Variants in ATP11B observed in about 807,000 individuals in gnomAD.
The protein encoded by ATP11B is ATPase phospholipid transporting 11B (putative).
In ATP11B, 81 loss-of-function variants were observed where a neutral mutation model predicts 157.8. That is an observed-to-expected ratio of 0.51 (90% confidence interval 0.43 to 0.62). The LOEUF (loss-of-function observed/expected upper bound fraction) is 0.62. Ranked by LOEUF, ATP11B falls within the 20% of genes least tolerant of loss-of-function variation. The pLI is 0.00. For synonymous variants in ATP11B, 451 were observed against 469.4 expected, an observed-to-expected ratio of 0.96 and a Z score of 0.51; for missense variants, 1,165 against 1,402.2, an observed-to-expected ratio of 0.83 and a Z score of 2.70.
chr3:182,820,519 G>C (rs1293897912), intron 2 of ATP11B, 143 bp downstream of exon 2: 1 of 602,230 alleles, frequency 1.7e-6, no homozygotes, highest in Non-Finnish European at 2.9e-6. Flanking sequence ...CCTTGTCTCT[G>C]CAAAAAATCA....
At chr3:182,855,521 A>G (rs550684978) in intron 10 of ATP11B, among the ~76,000 whole-genome samples, 6 of 152,336 alleles carry the variant, frequency 3.9e-5, no homozygotes, top group Non-Finnish European at 7.4e-5. Flanking sequence ...AAAAAAATTA[A>G]TAAGTTGTAG....
At chr3:182,908,009 T>G (rs1296092564) in intron 28 of ATP11B, among the ~76,000 whole-genome samples, 1 of 152,048 alleles carries the variant, frequency 6.6e-6, no homozygotes, top group Non-Finnish European at 1.5e-5. Flanking sequence ...ATTTGGGGAT[T>G]TTATCATTTT....
At chr3:182,904,963 T>C (rs1035200234) in intron 28 of ATP11B, among the ~76,000 whole-genome samples, 3 of 151,908 alleles carry the variant, frequency 2.0e-5, no homozygotes, top group Non-Finnish European at 1.5e-5. Context: ...ACAAAGCTCA[T>C]TTTGAGTATT....
At chr3:182,850,874 A>G (rs1719922152) in intron 10 of ATP11B, among the ~76,000 whole-genome samples, 1 of 152,312 alleles carries the variant, frequency 6.6e-6, no homozygotes, top group East Asian at 1.9e-4. Context: ...AAATGTATAC[A>G]TACCTAAAAA....
In ATP11B at chr3:182,837,182, G is replaced by GAATATCACACCATACC; in HGVS notation, c.656+8_656+9insAATATCACACCATACC. On this transcript the variant is annotated intron_variant, in intron 7 of 29. Transcript: ENST00000323116. ...AGAAGCAGACTTATACAGGTATGGTGTGATATTCAGTATACTTATTTTAAG... is the reference window on the plus strand; with the variant it reads ...AGAAGCAGACTTATACAGGTATGGTGAATATCACACCATACCTGATATTCAGTATACTTATTTTAAG... 1 of 1,550,526 alleles carries GAATATCACACCATACC rather than the reference G, an allele frequency of 6.4e-7. No individual in the cohort carries two copies. Among genetic ancestry groups the GAATATCACACCATACC allele is most frequent in the Non-Finnish European group, 8.9e-7 (1 of 1,125,470 alleles).
chr3:182,894,476 G>A (rs1054379403), intron 25 of ATP11B, among the ~76,000 whole-genome samples: 8 of 152,102 alleles, frequency 5.3e-5, no homozygotes, highest in African/African-American at 1.9e-4. Flanking sequence ...GTGAGCCACC[G>A]CACCCAGCCT....
At position 182,872,426 on chromosome 3, in the gene ATP11B, G is replaced by A. The variant is rs200132278; in HGVS notation, c.1937G>A (p.Arg646His). 8.7e-6 allele frequency: 14 copies of A among 1,613,896 alleles called. No homozygotes were observed. Among genetic ancestry groups the A allele is most frequent in the African/African-American group, 8.0e-5 (6 of 75,040 alleles). ...TSKEYEEIDKRIFEARTALQQ... is the reference protein window; with the variant it reads ...TSKEYEEIDKHIFEARTALQQ... ...AAAGAGTATGAGGAAATAGATAAAC[G>A]CATATTTGAAGCCAGGACTGCCTTG... The change falls in exon 18 of 30, where the codon CGC (arginine) becomes CAC (histidine). Residue 646 changes from arginine to histidine, a missense_variant. Physicochemically the swap from Arg to His is conservative, Grantham distance 29. Transcript: ENST00000323116.
chr3:182,871,839 A>G (rs1721680719), intron 17 of ATP11B, among the ~76,000 whole-genome samples: 2 of 151,434 alleles, frequency 1.3e-5, no homozygotes, highest in South Asian at 2.1e-4. Flanking sequence ...TTTTTGAGAC[A>G]GAGTCTCGCT....
Position 182,913,930 on chromosome 3 carries a change from T to TTGC in ATP11B, c.3388_3389insTGC (p.Cys1130delinsLeuArg). The stretch of plus-strand genomic sequence containing the variant: ...CTGTTTCCCGGAAGGAGAAGCAGCG[T>TTGC]GTGCATCTGTTGGAAGAATGCTGGA... On this transcript the variant is annotated protein_altering_variant, in exon 29 of 30. Coordinates refer to ENST00000323116, the MANE Select transcript of ATP11B (RefSeq NM_014616.3). The TTGC allele has an allele frequency of 6.2e-7, 1 of 1,614,150 alleles. No individual in the cohort carries two copies. Among genetic ancestry groups the TTGC allele is most frequent in the Non-Finnish European group, 8.5e-7 (1 of 1,179,978 alleles).
At chr3:182,839,634 G>C (rs1718845145) in intron 7 of ATP11B, among the ~76,000 whole-genome samples, 1 of 38,940 alleles carries the variant, frequency 2.6e-5, no homozygotes, top group African/African-American at 8.8e-5. Context: ...TTTTGAAACA[G>C]TGTCTCGCTC....
intron 9 of ATP11B, among the ~76,000 whole-genome samples, chr3:182,847,960 T>A (rs1006803393): frequency 6.6e-6 from 1 of 152,210 alleles, no homozygotes; most frequent in East Asian, 1.9e-4. Context: ...GCACATTTTT[T>A]AAATAGCACT....
intron 1 of ATP11B, among the ~76,000 whole-genome samples, chr3:182,796,115 A>G (rs1462857381): frequency 1.3e-5 from 2 of 152,244 alleles, no homozygotes; most frequent in Non-Finnish European, 2.9e-5. Flanking sequence ...TATTTTCACT[A>G]CTTGAGAAGA....
chr3:182,891,729 A>T (rs749312749), intron 25 of ATP11B, among the ~76,000 whole-genome samples: 2 of 152,190 alleles, frequency 1.3e-5, no homozygotes, highest in Non-Finnish European at 2.9e-5. Flanking sequence ...TTTACTGTCT[A>T]TTGAAATTAA....
intron 19 of ATP11B, among the ~76,000 whole-genome samples, chr3:182,878,647 A>C (rs1251013492): frequency 2.6e-5 from 4 of 152,216 alleles, no homozygotes; most frequent in Non-Finnish European, 5.9e-5. Flanking sequence ...AGTAGCACCT[A>C]CGTAGCATAT....
At chr3:182,833,856 A>C (rs899466955) in intron 4 of ATP11B, 1 of 152,238 alleles carries the variant, frequency 6.6e-6, no homozygotes, top group African/African-American at 2.4e-5. Context: ...AGAAAAGGCA[A>C]GACCTATTTT....
intron 19 of ATP11B, among the ~76,000 whole-genome samples, chr3:182,877,864 A>G (rs530026798): frequency 1.3e-5 from 2 of 152,256 alleles, no homozygotes; most frequent in East Asian, 1.9e-4. Flanking sequence ...TATCCCATGG[A>G]TTGTAAGATC....
intron 2 of ATP11B, among the ~76,000 whole-genome samples, chr3:182,824,507 A>G (rs991587030): frequency 6.6e-6 from 1 of 152,176 alleles, no homozygotes; most frequent in African/African-American, 2.4e-5. Context: ...CCAGTATTTG[A>G]CATAGTTTTT....
Position 182,875,447 on chromosome 3 carries a change from T to G in ATP11B, c.2252+1432T>G, listed in dbSNP as rs371356345. On this transcript the variant is annotated intron_variant, in intron 19 of 29. Transcript: ENST00000323116. ...TGTTGTTGTTTTGTTGTTGTTGTTG[T>G]TTGTTTGTTTTTTGAGACAGAGTTT... Among the ~76,000 whole-genome samples, 30 of 152,142 alleles carry G rather than the reference T, an allele frequency of 2.0e-4. No homozygotes were observed. In the East Asian group the frequency reaches 2.3e-3, roughly 12 times the overall value.
At chr3:182,875,536 G>A (rs959553014) in intron 19 of ATP11B, among the ~76,000 whole-genome samples, 4 of 152,160 alleles carry the variant, frequency 2.6e-5, no homozygotes, top group Admixed American at 2.6e-4. Flanking sequence ...CCGCCTTCCG[G>A]GTTCAAGTGA....
Sources: allele counts gnomAD v4.1 joint callset (sites outside exome capture counted in the v4.1 genomes callset), GRCh38; gene constraint gnomAD v4.1.1; transcripts MANE v1.5; gene names NCBI Gene and HGNC (gene_info 2026-07-23, HGNC 2026-07-21).